CNTN5: variants seen among roughly 807,000 people sequenced by gnomAD.
The protein encoded by CNTN5 is contactin 5, also known as contactin-5.
In CNTN5, 77 loss-of-function variants were observed where a neutral mutation model predicts 129.1. The ratio of observed to expected loss-of-function variants is 0.60; its 90% CI spans 0.50 to 0.72. The LOEUF (loss-of-function observed/expected upper bound fraction) is 0.72. Among genes scored for constraint, CNTN5 ranks in the 30% least tolerant of loss-of-function variants. CNTN5 has a pLI of 0.00. For missense variants in CNTN5, 1,478 were observed against 1,328.8 expected (o/e 1.11, Z -1.75); for synonymous variants, 509 against 465.6 (o/e 1.09, Z -1.20).
intron 21 of CNTN5, among the ~76,000 whole-genome samples, chr11:100,314,224 AG>A (rs1180055006): frequency 6.6e-6 from 1 of 152,132 alleles, no homozygotes; most frequent in Admixed American, 6.5e-5. Context: ...ACAGCTCTCC[AG>A]TGTTGGTATC....
At chr11:99,331,376 A>G (rs993955408) in intron 2 of CNTN5, among the ~76,000 whole-genome samples, 2 of 152,152 alleles carry the variant, frequency 1.3e-5, no homozygotes, top group Admixed American at 6.6e-5. Flanking sequence ...AATTAAAATA[A>G]CTATAGATAG....
At chr11:99,430,653 G>C (rs1479964290) in intron 2 of CNTN5, among the ~76,000 whole-genome samples, 1 of 151,782 alleles carries the variant, frequency 6.6e-6, no homozygotes, top group Non-Finnish European at 1.5e-5. Context: ...AGAGAGGGTA[G>C]CTATCTATAT....
intron 10 of CNTN5, among the ~76,000 whole-genome samples, chr11:100,064,458 AAAGTT>A (rs747208898): frequency 2.8e-4 from 42 of 152,320 alleles, no homozygotes; most frequent in East Asian, 3.9e-4. Flanking sequence ...TAGTTAAATT[AAAGTT>A]AAGATACACT....
chr11:99,759,082 A>G (rs1457477136), intron 3 of CNTN5, among the ~76,000 whole-genome samples: 2 of 152,054 alleles, frequency 1.3e-5, no homozygotes, highest in African/African-American at 2.4e-5. Flanking sequence ...GTCCCATGCA[A>G]TCCACATAGC....
At chr11:99,221,940 T>C (rs1860416396) in intron 1 of CNTN5, among the ~76,000 whole-genome samples, 1 of 151,920 alleles carries the variant, frequency 6.6e-6, no homozygotes, top group South Asian at 2.1e-4. Context: ...CAGGAAACAA[T>C]TGGACAGCAA....
At chr11:100,280,156 A>G (rs932356190) in intron 18 of CNTN5, among the ~76,000 whole-genome samples, 3 of 151,836 alleles carry the variant, frequency 2.0e-5, no homozygotes, top group Non-Finnish European at 2.9e-5. Context: ...ATGTGTATTC[A>G]GTCATTGGAT....
At chr11:100,276,303 G>A (rs1311624852) in intron 18 of CNTN5, among the ~76,000 whole-genome samples, 2 of 152,012 alleles carry the variant, frequency 1.3e-5, no homozygotes, top group Non-Finnish European at 2.9e-5. Context: ...ACTTTGGGAC[G>A]CTGAAGCATA....
intron 18 of CNTN5, among the ~76,000 whole-genome samples, chr11:100,290,246 G>GA (rs1423113477): frequency 2.6e-5 from 4 of 151,890 alleles, no homozygotes; most frequent in East Asian, 3.9e-4. Context: ...CACAGAATTG[G>GA]AAAAAACTAC....
chr11:100,341,258 A>T lies in CNTN5; in HGVS notation c.3030+53A>T, dbSNP rs149480047. 9.4e-4 allele frequency: 1,233 copies of T among 1,309,000 alleles called. 16 individuals are homozygous for T. The African/African-American group carries it at 0.016, about 17-fold the overall frequency. The allele number at this position is 1,309,000 out of a possible 1,614,324, so 81.1% of individuals were successfully genotyped here. On this transcript the variant is annotated intron_variant, in intron 23 of 24. Coordinates refer to ENST00000524871, the MANE Select transcript of CNTN5 (RefSeq NM_014361.4). ...GATACTCATCTCCGAAATTGTTATT[A>T]TGAAGATGGAAAATTAATAAGGCAT...
At chr11:99,130,188 G>C (rs1470578905) in intron 1 of CNTN5, among the ~76,000 whole-genome samples, 2 of 152,112 alleles carry the variant, frequency 1.3e-5, no homozygotes, top group African/African-American at 4.8e-5. Flanking sequence ...AAAAAGGCGA[G>C]ACCCATCAGC....
chr11:100,264,842 C>G (rs1950270798), intron 17 of CNTN5, among the ~76,000 whole-genome samples: 1 of 152,130 alleles, frequency 6.6e-6, no homozygotes, highest in Non-Finnish European at 1.5e-5. Context: ...AATTTACATT[C>G]CCACCAACAG....
At chr11:99,963,478 C>T (rs552076147) in intron 8 of CNTN5, among the ~76,000 whole-genome samples, 2 of 152,092 alleles carry the variant, frequency 1.3e-5, no homozygotes, top group South Asian at 4.2e-4. Context: ...AGATATGCAG[C>T]ATTATTTCTG....
chr11:99,892,075 T>C (rs991839656), intron 6 of CNTN5, among the ~76,000 whole-genome samples: 4 of 151,938 alleles, frequency 2.6e-5, no homozygotes, highest in Admixed American at 1.3e-4. Flanking sequence ...ATTTCTCTAA[T>C]GTAATGATGA....
At chr11:100,288,252 G>C (rs1346248327) in intron 18 of CNTN5, among the ~76,000 whole-genome samples, 7 of 152,038 alleles carry the variant, frequency 4.6e-5, no homozygotes, top group Non-Finnish European at 1.0e-4. Context: ...TCTGTACCAA[G>C]TGGACCTAAT....
At chr11:99,789,352 GA>G (rs1478162100) in intron 3 of CNTN5, among the ~76,000 whole-genome samples, 2 of 151,862 alleles carry the variant, frequency 1.3e-5, no homozygotes, top group Admixed American at 6.6e-5. Flanking sequence ...TCTAATGTAA[GA>G]CAGATAATGA....
intron 1 of CNTN5, among the ~76,000 whole-genome samples, chr11:99,251,547 T>C (rs1460516744): frequency 6.6e-6 from 1 of 151,900 alleles, no homozygotes; most frequent in Non-Finnish European, 1.5e-5. Flanking sequence ...ATGGCAACAT[T>C]TCAAGTAAAA....
chr11:100,268,724 C>T (rs566194776), intron 17 of CNTN5, among the ~76,000 whole-genome samples: 109 of 152,232 alleles, frequency 7.2e-4, no homozygotes, highest in African/African-American at 1.9e-3. Flanking sequence ...TCCAAGAAAT[C>T]TTTCTGCCAA....
chr11:99,480,661 G>C (rs1472749), intron 2 of CNTN5, among the ~76,000 whole-genome samples: 149,790 of 152,274 alleles, frequency 0.98, 73,735 homozygotes, highest in East Asian at 1. Flanking sequence ...GTGTATCTAT[G>C]TAACTTCTGT....
intron 1 of CNTN5, among the ~76,000 whole-genome samples, chr11:99,244,719 T>G (rs1390438864): frequency 4.6e-5 from 7 of 152,160 alleles, no homozygotes. Flanking sequence ...AATCAGACTT[T>G]TTGGTGCTTA....
Sources: gnomAD v4.1 joint callset for allele counts (sites outside exome capture counted in the v4.1 genomes callset) on GRCh38, gnomAD v4.1.1 for gene constraint, MANE v1.5 for transcripts, NCBI Gene and HGNC (gene_info 2026-07-23, HGNC 2026-07-21) for gene names.